The following ZKSCAN1 variants were observed in gnomAD, a reference collection of about 807,000 sequenced individuals.
ZKSCAN1 encodes the protein zinc finger with KRAB and SCAN domains 1, also known as zinc finger protein with KRAB and SCAN domains 1.
In ZKSCAN1, 14 loss-of-function variants were observed where a neutral mutation model predicts 51.6. The observed-to-expected ratio is 0.27, with a 90% CI of 0.18 to 0.42. The LOEUF (loss-of-function observed/expected upper bound fraction) is 0.42. Among genes scored for constraint, ZKSCAN1 ranks in the 10% least tolerant of loss-of-function variants. The pLI is 1.00. For missense variants in ZKSCAN1, 531 were observed against 710.0 expected, an observed-to-expected ratio of 0.75 and a Z score of 2.86; for synonymous variants, 263 against 261.5, an observed-to-expected ratio of 1.01 and a Z score of -0.06.
chr7:100,019,667 T>C (rs1397092129), intron 1 of ZKSCAN1, among the ~76,000 whole-genome samples: 2 of 152,168 alleles, frequency 1.3e-5, no homozygotes, highest in South Asian at 2.1e-4. Context: ...CTGTGTGACC[T>C]TGAGTAAGTT....
In ZKSCAN1 at chr7:100,024,326, T is replaced by C; in HGVS notation, c.580+19T>C. 6.2e-7 allele frequency: 1 copy of C among 1,613,032 alleles called. No homozygotes were observed. The highest frequency in any genetic ancestry group is 8.5e-7 in the Non-Finnish European group (1 of 1,179,686). On this transcript the variant is annotated intron_variant, in intron 3 of 5. Coordinates refer to ENST00000324306, the MANE Select transcript of ZKSCAN1 (RefSeq NM_003439.4). The stretch of plus-strand genomic sequence containing the variant: ...TCACGAGGTAAGAAGCAAGGTTTCA[T>C]TTAGGGGAAGGGAAATGATTCAGGA...
chr7:100,022,131 T>C (rs113624508), intron 1 of ZKSCAN1, among the ~76,000 whole-genome samples: 4 of 152,320 alleles, frequency 2.6e-5, no homozygotes, highest in Admixed American at 2.0e-4. Context: ...CTCGGCTCAC[T>C]GCAACCTCCG....
At chr7:100,027,789 C>T (rs1020410176) in intron 3 of ZKSCAN1, among the ~76,000 whole-genome samples, 5 of 147,914 alleles carry the variant, frequency 3.4e-5, no homozygotes, top group Non-Finnish European at 6.0e-5. Context: ...TGATGTTTAA[C>T]TCCACTACTG....
chr7:100,033,245 G>T lies in ZKSCAN1; in HGVS notation c.800-60G>T. 6.6e-7 allele frequency: 1 copy of T among 1,505,750 alleles called. No homozygotes were observed. The highest frequency in any genetic ancestry group is 1.4e-5 in the South Asian group (1 of 72,232). The allele number at this position is 1,505,750 out of a possible 1,614,324, so 93.3% of individuals were successfully genotyped here. ...GAAGCTTCTCGGGAAACTGTCGCTTGACCCACCTGTATATTCAAAAGAAAA... is the reference window on the plus strand; with the variant it reads ...GAAGCTTCTCGGGAAACTGTCGCTTTACCCACCTGTATATTCAAAAGAAAA... On this transcript the variant is annotated intron_variant, in intron 5 of 5. Coordinates refer to ENST00000324306, the MANE Select transcript of ZKSCAN1 (RefSeq NM_003439.4). This position sits in a 1 kb window ranked among gnomAD's most constrained non-coding sequence, Gnocchi z 4.1.
Position 100,033,334 on chromosome 7 carries a change from T to C in ZKSCAN1, c.829T>C (p.Ser277Pro). The C allele has an allele frequency of 6.2e-7, 1 of 1,609,628 alleles. No individual in the cohort carries two copies. Among genetic ancestry groups the C allele is most frequent in the Non-Finnish European group, 8.5e-7 (1 of 1,178,852 alleles). The change falls in exon 6 of 6, where the codon TCA becomes CCA. Residue 277 changes from serine to proline, a missense_variant. Physicochemically the swap from Ser to Pro is moderately conservative, Grantham distance 74 (BLOSUM62 -1). Transcript: ENST00000324306. This position sits in a 1 kb window ranked among gnomAD's most constrained non-coding sequence, Gnocchi z 4.1. ...GGENRNENEESTSKAETSEDS... is the reference protein window; with the variant it reads ...GGENRNENEEPTSKAETSEDS... Reference sequence around the variant, plus strand: ...TGAAAACAGGAATGAGAACGAGGAGTCAACCTCAAAGGCTGAAACCTCGGA... The same window carrying C: ...TGAAAACAGGAATGAGAACGAGGAGCCAACCTCAAAGGCTGAAACCTCGGA...
intron 4 of ZKSCAN1, 127 bp downstream of exon 4, chr7:100,030,079 CT>C: frequency 2.2e-6 from 3 of 1,381,436 alleles, no homozygotes; most frequent in Non-Finnish European, 3.0e-6. Flanking sequence ...CTGTCCTCTC[CT>C]TTTAGCATCT....
At position 100,015,673 on chromosome 7, in the gene ZKSCAN1, A is replaced by C. The variant is rs1435310341; in HGVS notation, c.-142A>C. 6.6e-6 allele frequency: 1 copy of C among 152,016 alleles called. No individual in the cohort carries two copies. Among genetic ancestry groups the C allele is most frequent in the African/African-American group, 2.4e-5 (1 of 41,418 alleles). 9.4% of individuals were successfully genotyped at this position (152,016 alleles called of 1,614,324 possible). On this transcript the variant is annotated 5_prime_UTR_variant, in exon 1 of 6. Coordinates refer to ENST00000324306, the MANE Select transcript of ZKSCAN1 (RefSeq NM_003439.4). ...GTGCCCTTCGGCCGGCCTGAGCCCC[A>C]GAGTCAGCTCCCCTTTCTCGCCCAG...
chr7:100,030,077 T>C, intron 4 of ZKSCAN1, 125 bp downstream of exon 4: 1 of 1,389,736 alleles, frequency 7.2e-7, no homozygotes, highest in South Asian at 1.3e-5. Flanking sequence ...CCCTGTCCTC[T>C]CCTTTTAGCA....
At chr7:100,027,046 T>C (rs992644200) in intron 3 of ZKSCAN1, among the ~76,000 whole-genome samples, 31 of 152,088 alleles carry the variant, frequency 2.0e-4, no homozygotes, top group Non-Finnish European at 4.3e-4. Flanking sequence ...CCTCTAATCC[T>C]GGCACTTTGG....
intron 3 of ZKSCAN1, 68 bp downstream of exon 3, chr7:100,024,375 G>T: frequency 6.4e-7 from 1 of 1,557,830 alleles, no homozygotes. Context: ...GCTGCTGAGT[G>T]CCTGTGATGA....
At chr7:100,032,790 C>T (rs1162173952) in intron 5 of ZKSCAN1, among the ~76,000 whole-genome samples, 1 of 151,928 alleles carries the variant, frequency 6.6e-6, no homozygotes, top group Non-Finnish European at 1.5e-5. Flanking sequence ...GGGTGGATCA[C>T]GAGGTCAGGA....
At chr7:100,017,934 A>G (rs1270105052) in intron 1 of ZKSCAN1, among the ~76,000 whole-genome samples, 1 of 152,242 alleles carries the variant, frequency 6.6e-6, no homozygotes, top group Non-Finnish European at 1.5e-5. Flanking sequence ...TGGAATGTAC[A>G]GTTACATCTT....
At chr7:100,025,687 G>A in intron 3 of ZKSCAN1, among the ~76,000 whole-genome samples, 1 of 152,172 alleles carries the variant, frequency 6.6e-6, no homozygotes, top group East Asian at 1.9e-4. Flanking sequence ...CCACACCTAC[G>A]CTACAAAGCT....
intron 3 of ZKSCAN1, chr7:100,025,053 A>ATG (rs1790765771): frequency 6.6e-6 from 1 of 152,090 alleles, no homozygotes; most frequent in African/African-American, 2.4e-5. Flanking sequence ...CAGGAGTTAA[A>ATG]TGTTACTACG....
In ZKSCAN1 at chr7:100,038,356, G is replaced by A. The variant is rs181838680; in HGVS notation, c.*4159G>A. The A allele has an allele frequency of 4.3e-4, 420 of 985,478 alleles. 3 individuals are homozygous for A. In the African/African-American group the frequency reaches 6.9e-3, roughly 16 times the overall value. The allele number at this position is 985,478 out of a possible 1,614,324, so 61.0% of individuals were successfully genotyped here. A position where few individuals can be genotyped will look rare whatever the true frequency, so the allele number is the denominator to read the frequency against. ...TAGACAAAAAGTCGGTTCACAGAAC[G>A]GAGCAGCGGGGAGAGGAAGGGAAAA... On this transcript the variant is annotated 3_prime_UTR_variant, in exon 6 of 6. Transcript: ENST00000324306.
chr7:100,041,017 A>T lies in ZKSCAN1; in HGVS notation c.*6820A>T, dbSNP rs564578188. ...GCCAAGCAAAATCAGTAATTATTTT[A>T]AAATGAACATATGTATTTTTATTAA... is the stretch of plus-strand genomic sequence containing the variant. On this transcript the variant is annotated 3_prime_UTR_variant, in exon 6 of 6. Coordinates refer to ENST00000324306, the MANE Select transcript of ZKSCAN1 (RefSeq NM_003439.4). The T allele has an allele frequency of 4.3e-5, 42 of 984,754 alleles. No individual in the cohort carries two copies. In the African/African-American group the frequency reaches 6.1e-4, roughly 14 times the overall value. 61.0% of individuals were successfully genotyped at this position (984,754 alleles called of 1,614,324 possible).
rs921954228 is a variant in ZKSCAN1 at position 100,033,150 on chromosome 7, C to T, written c.800-155C>T. Among the ~76,000 whole-genome samples the T allele has an allele frequency of 6.6e-5, 10 of 151,960 alleles. No individual in the cohort carries two copies. Among genetic ancestry groups the T allele is most frequent in the East Asian group, 1.9e-4 (1 of 5,200 alleles). On this transcript the variant is annotated intron_variant, in intron 5 of 5. Transcript: ENST00000324306. The surrounding 1 kb of genome is among the most constrained non-coding windows in gnomAD (Gnocchi z 4.1). ...TCACGTCACTGCACTCCAGCCTGGGCGACAGAGCGAGACTCTGTCTCAAAG... is the reference window on the plus strand; with the variant it reads ...TCACGTCACTGCACTCCAGCCTGGGTGACAGAGCGAGACTCTGTCTCAAAG...
intron 1 of ZKSCAN1, chr7:100,019,202 C>T (rs951116920): frequency 1.3e-5 from 2 of 152,078 alleles, no homozygotes; most frequent in African/African-American, 4.8e-5. Context: ...AGGCCCGTTC[C>T]TGAGTGATTT....
intron 2 of ZKSCAN1, 56 bp downstream of exon 2, chr7:100,023,988 GC>G: frequency 1.3e-6 from 2 of 1,525,496 alleles, no homozygotes; most frequent in Non-Finnish European, 1.8e-6. Flanking sequence ...TGAAACTGGA[GC>G]CAGGAGAAGT....
Sources: gnomAD v4.1 joint callset for allele counts (sites outside exome capture counted in the v4.1 genomes callset) on GRCh38, gnomAD v4.1.1 for gene constraint, Gnocchi (gnomAD v3.1) non-coding constraint, MANE v1.5 for transcripts, NCBI Gene and HGNC (gene_info 2026-07-23, HGNC 2026-07-21) for gene names.